The following ZC3HAV1 variants were observed in gnomAD, a reference collection of about 807,000 sequenced individuals.
ZC3HAV1 encodes zinc finger CCCH-type containing, antiviral 1, also known as zinc finger CCCH-type antiviral protein 1.
In ZC3HAV1, 41 loss-of-function variants were observed where a neutral mutation model predicts 86.6. That is an observed-to-expected ratio of 0.47 (90% CI 0.37 to 0.61). ZC3HAV1 has a LOEUF of 0.61. Ranked by LOEUF, ZC3HAV1 falls within the 20% of genes least tolerant of loss-of-function variation. The pLI is 0.00. For synonymous variants in ZC3HAV1, 421 were observed against 432.1 expected, an observed-to-expected ratio of 0.97 and a Z score of 0.32; for missense variants, 964 against 1,141.1, an observed-to-expected ratio of 0.84 and a Z score of 2.24.
At chr7:139,060,588 C>A in intron 9 of ZC3HAV1, 5 of 1,019,504 alleles carry the variant, frequency 4.9e-6, no homozygotes, top group Non-Finnish European at 5.9e-6. Context: ...TGCCTGTAAT[C>A]CCAGCACTTT....
chr7:139,087,614 G>A (rs1176847490), intron 2 of ZC3HAV1, among the ~76,000 whole-genome samples: 1 of 152,132 alleles, frequency 6.6e-6, no homozygotes, highest in Non-Finnish European at 1.5e-5. Flanking sequence ...GAGCTCAGTG[G>A]CCAACTCAAA....
In ZC3HAV1 at chr7:139,060,865, C is replaced by G. The variant is rs990203728; in HGVS notation, c.2096+171G>C. Reference sequence around the variant, plus strand: ...CCGATCTAGTATCCTTTCAGTCACACCATGCTGCTTAACAAGCATCTTACT... The same window carrying G: ...CCGATCTAGTATCCTTTCAGTCACAGCATGCTGCTTAACAAGCATCTTACT... On this transcript the variant is annotated intron_variant, in intron 9 of 12. Coordinates refer to ENST00000242351, the MANE Select transcript of ZC3HAV1 (RefSeq NM_020119.4). 12 of 1,532,444 alleles carry G rather than the reference C, an allele frequency of 7.8e-6. No individual in the cohort carries two copies. In the African/African-American group the frequency reaches 1.7e-4, roughly 21 times the overall value. 94.9% of individuals were successfully genotyped at this position (1,532,444 alleles called of 1,614,324 possible).
Position 139,047,346 on chromosome 7 carries a change from A to AG in ZC3HAV1, c.*247_*248insC. ...TCAGTCTCAAAAAAAAAAAAAAAAA[A>AG]AAAAATACAACTGCCTGGCGCTGAC... On this transcript the variant is annotated 3_prime_UTR_variant, in exon 13 of 13. Coordinates refer to ENST00000242351, the MANE Select transcript of ZC3HAV1 (RefSeq NM_020119.4). The AG allele has an allele frequency of 8.4e-5, 29 of 346,188 alleles. No homozygotes were observed. The highest frequency in any genetic ancestry group is 7.9e-4 in the South Asian group (27 of 34,134). 21.4% of individuals were successfully genotyped at this position (346,188 alleles called of 1,614,324 possible). A position where few individuals can be genotyped will look rare whatever the true frequency, so the allele number is the denominator to read the frequency against.
intron 7 of ZC3HAV1, among the ~76,000 whole-genome samples, chr7:139,067,500 T>C (rs1469680797): frequency 1.3e-5 from 2 of 152,084 alleles, no homozygotes; most frequent in African/African-American, 2.4e-5. Context: ...TGGCTGGACC[T>C]GAGCATTAAA....
intron 7 of ZC3HAV1, among the ~76,000 whole-genome samples, chr7:139,073,576 C>T (rs941728700): frequency 5.9e-5 from 9 of 152,078 alleles, no homozygotes; most frequent in Admixed American, 5.2e-4. Flanking sequence ...CTACAACCTC[C>T]ACCTCCCGGG....
intron 2 of ZC3HAV1, among the ~76,000 whole-genome samples, chr7:139,085,393 C>G (rs1045134597): frequency 2.6e-5 from 4 of 152,222 alleles, no homozygotes; most frequent in South Asian, 4.1e-4. Context: ...GTTTATATAT[C>G]AGGCAGTCAG....
intron 7 of ZC3HAV1, among the ~76,000 whole-genome samples, chr7:139,068,031 T>C (rs996520339): frequency 4.0e-5 from 3 of 74,314 alleles, no homozygotes; most frequent in African/African-American, 2.1e-4. Context: ...TTCTTTATTA[T>C]TATTATTATT....
chr7:139,050,329 G>A (rs952124057), intron 12 of ZC3HAV1, among the ~76,000 whole-genome samples: 2 of 151,796 alleles, frequency 1.3e-5, no homozygotes, highest in Non-Finnish European at 2.9e-5. Flanking sequence ...CCTTTATTGT[G>A]TTAAGAAAGT....
chr7:139,082,039 T>C (rs948691395), intron 3 of ZC3HAV1, among the ~76,000 whole-genome samples: 4 of 152,054 alleles, frequency 2.6e-5, no homozygotes, highest in Non-Finnish European at 5.9e-5. Context: ...CTAAGGTGGG[T>C]GGATCACTTG....
At chr7:139,083,135 A>G (rs1817174161) in intron 3 of ZC3HAV1, among the ~76,000 whole-genome samples, 1 of 152,210 alleles carries the variant, frequency 6.6e-6, no homozygotes, top group Non-Finnish European at 1.5e-5. Flanking sequence ...AGCAATTGGG[A>G]CAAAATGTTA....
intron 3 of ZC3HAV1, among the ~76,000 whole-genome samples, chr7:139,082,616 T>C (rs1817157949): frequency 6.6e-6 from 1 of 152,126 alleles, no homozygotes; most frequent in Admixed American, 6.5e-5. Flanking sequence ...GACAGATGAA[T>C]GGATAAAAAA....
At position 139,096,588 on chromosome 7, in the gene ZC3HAV1, A is replaced by G. The variant is rs191060685; in HGVS notation, c.309-6829T>C. The stretch of plus-strand genomic sequence containing the variant: ...TATTGACTTGGTACCTAGGATGCCA[A>G]AAGTTTCCTATGTCTTTTGGTCTGT... On this transcript the variant is annotated intron_variant, in intron 1 of 12. Transcript: ENST00000242351. 1.2e-3 allele frequency among the ~76,000 whole-genome samples: 177 copies of G among 152,304 alleles called. 1 individual carries two copies. The highest frequency in any genetic ancestry group is 3.9e-3 in the African/African-American group (164 of 41,564).
intron 8 of ZC3HAV1, among the ~76,000 whole-genome samples, chr7:139,061,603 A>G (rs1816445604): frequency 6.6e-6 from 1 of 152,236 alleles, no homozygotes; most frequent in African/African-American, 2.4e-5. Flanking sequence ...AGTAAGTCAT[A>G]ATACATTGCT....
At chr7:139,050,667 G>A (rs7783319) in intron 12 of ZC3HAV1, among the ~76,000 whole-genome samples, 10,833 of 152,150 alleles carry the variant, frequency 0.071, 1,005 homozygotes, top group African/African-American at 0.22. Context: ...ACAGTGCCTA[G>A]CCTAACATTT....
intron 6 of ZC3HAV1, among the ~76,000 whole-genome samples, chr7:139,074,846 A>C (rs1816888298): frequency 6.6e-6 from 1 of 152,144 alleles, no homozygotes; most frequent in African/African-American, 2.4e-5. Flanking sequence ...TCTCAGTTTT[A>C]ATTTTTAATA....
chr7:139,054,233 G>A (rs1816218414), intron 10 of ZC3HAV1, 138 bp from the exon 11 acceptor site: 4 of 867,816 alleles, frequency 4.6e-6, no homozygotes, highest in South Asian at 2.3e-5. Flanking sequence ...CTGGCTTAGG[G>A]TTCCCACATC....
Position 139,079,583 on chromosome 7 carries a change from C to T in ZC3HAV1, c.1358G>A (p.Gly453Asp), listed in dbSNP as rs1244646378. 6.2e-7 allele frequency: 1 copy of T among 1,614,182 alleles called. No homozygotes were observed. Among genetic ancestry groups the T allele is most frequent in the Non-Finnish European group, 8.5e-7 (1 of 1,180,028 alleles). Residue 453 changes from glycine (G) to aspartate (D), a missense_variant, in exon 4 of 13, where the codon GGT becomes GAT. Gly to Asp is a moderately conservative substitution (Grantham distance 94, BLOSUM62 -1). Transcript: ENST00000242351. The part of the protein sequence containing the change: ...RSLNYKSTSS[G>D]HREISSPRIQ... Reference sequence around the variant, plus strand: ...CCTAGGTGATGATATTTCTCTGTGACCGCTGCTAGTGCTTTTGTAATTTAA... The same window carrying T: ...CCTAGGTGATGATATTTCTCTGTGATCGCTGCTAGTGCTTTTGTAATTTAA...
chr7:139,081,274 T>C (rs1010488241), intron 3 of ZC3HAV1, among the ~76,000 whole-genome samples: 2 of 152,106 alleles, frequency 1.3e-5, no homozygotes, highest in Admixed American at 6.6e-5. Flanking sequence ...TGCTCGTGTG[T>C]GTGTGTGAAT....
intron 1 of ZC3HAV1, among the ~76,000 whole-genome samples, chr7:139,094,510 A>AAAAC (rs1328029620): frequency 1.3e-5 from 2 of 151,966 alleles, no homozygotes; most frequent in African/African-American, 4.8e-5. Flanking sequence ...AAAAAAAAAA[A>AAAAC]AAAACAGCAA....
Sources: gnomAD v4.1 joint callset for allele counts (sites outside exome capture counted in the v4.1 genomes callset) on GRCh38, gnomAD v4.1.1 for gene constraint, MANE v1.5 for transcripts, NCBI Gene and HGNC (gene_info 2026-07-23, HGNC 2026-07-21) for gene names.